MON2: variants seen among roughly 807,000 people sequenced by gnomAD.
MON2 encodes the protein MON2 regulator of endosome-to-Golgi trafficking.
A neutral mutation model predicts 208.6 loss-of-function variants in MON2; 84 were observed. That is an observed-to-expected ratio of 0.40 (90% CI 0.34 to 0.48). The LOEUF (loss-of-function observed/expected upper bound fraction) is 0.48, where lower values mean the gene tolerates loss of function less well. Ranked by LOEUF, MON2 falls within the 20% of genes least tolerant of loss-of-function variation. The probability of loss-of-function intolerance (pLI) is 0.59; values close to 1 mark genes in which losing one functional copy is unlikely to be tolerated. For missense variants in MON2, 1,611 were observed against 2,015.4 expected (o/e 0.80, Z 3.84); for synonymous variants, 660 against 694.0 (o/e 0.95, Z 0.77).
chr12:62,485,242 A>T (rs2069700602), intron 2 of MON2, among the ~76,000 whole-genome samples: 1 of 152,238 alleles, frequency 6.6e-6, no homozygotes, highest in East Asian at 1.9e-4. Flanking sequence ...CAGTTCCAGT[A>T]GTGCTGTTGA....
chr12:62,565,795 A>G (rs2074361067), intron 27 of MON2, among the ~76,000 whole-genome samples: 1 of 152,234 alleles, frequency 6.6e-6, no homozygotes, highest in Non-Finnish European at 1.5e-5. Flanking sequence ...AAGAAGTTGT[A>G]CACTACTGGT....
In MON2 at chr12:62,578,430, GTT is replaced by G. The variant is rs5798648; in HGVS notation, c.4515-4_4515-3del. On this transcript the variant is annotated splice_polypyrimidine_tract_variant and intron_variant, in intron 30 of 34. Transcript: ENST00000393630. ...AATATTTTATCTTTAAAAATCAAGT[GTT>G]TTTTTTTTTTAGCATACCTCCAGAT... The G allele has an allele frequency of 1.4e-4, 159 of 1,128,670 alleles. No homozygotes were observed. The highest frequency in any genetic ancestry group is 3.3e-4 in the Admixed American group (12 of 36,084). 69.9% of individuals were successfully genotyped at this position (1,128,670 alleles called of 1,614,324 possible). A position where few individuals can be genotyped will look rare whatever the true frequency, so the allele number is the denominator to read the frequency against.
chr12:62,516,004 T>C lies in MON2; in HGVS notation c.984+7524T>C, dbSNP rs2136145078. On this transcript the variant is annotated intron_variant, in intron 8 of 34. Transcript: ENST00000393630. ...GCAGCACTATTCATGATTGCCAAGA[T>C]TTAGTAGCAACCAAAGTATCCATTG... Among the ~76,000 whole-genome samples the C allele has an allele frequency of 1.3e-5, 2 of 152,284 alleles. 1 individual carries two copies.
At chr12:62,570,722 C>CT (rs1192680038) in intron 29 of MON2, among the ~76,000 whole-genome samples, 1,834 of 70,858 alleles carry the variant, frequency 0.026, 273 homozygotes, top group African/African-American at 0.062. Context: ...TTTTCTTTTT[C>CT]TTTTTTTTTT....
intron 26 of MON2, among the ~76,000 whole-genome samples, chr12:62,562,166 A>T (rs1414133411): frequency 2.0e-5 from 3 of 152,170 alleles, no homozygotes; most frequent in Non-Finnish European, 4.4e-5. Context: ...AGTTGCTTAT[A>T]GACTTCAGGG....
chr12:62,527,018 C>T lies in MON2; in HGVS notation c.1400+916C>T, dbSNP rs149502427. On this transcript the variant is annotated intron_variant, in intron 11 of 34. Coordinates refer to ENST00000393630, the MANE Select transcript of MON2 (RefSeq NM_015026.3). Reference sequence around the variant, plus strand: ...GTGTGCACCTGTAATCCCAGCTACTCGGGAAACTGAGGCAAGAGAATCGCT... The same window carrying T: ...GTGTGCACCTGTAATCCCAGCTACTTGGGAAACTGAGGCAAGAGAATCGCT... Among the ~76,000 whole-genome samples, 273 of 152,094 alleles carry T rather than the reference C, an allele frequency of 1.8e-3. 1 individual carries two copies. The highest frequency in any genetic ancestry group is 6.4e-3 in the African/African-American group (266 of 41,502).
intron 2 of MON2, among the ~76,000 whole-genome samples, chr12:62,491,817 T>C (rs1210817827): frequency 6.6e-6 from 1 of 152,222 alleles, no homozygotes; most frequent in African/African-American, 2.4e-5. Flanking sequence ...TTAATTTGCC[T>C]GAATAACATT....
chr12:62,479,002 G>T (rs1592816228), intron 1 of MON2, among the ~76,000 whole-genome samples: 1 of 152,198 alleles, frequency 6.6e-6, no homozygotes, highest in Non-Finnish European at 1.5e-5. Flanking sequence ...AACAGAAATT[G>T]TAGAAAGAAG....
chr12:62,504,392 C>T (rs1592896414), intron 7 of MON2, among the ~76,000 whole-genome samples: 2 of 151,562 alleles, frequency 1.3e-5, no homozygotes, highest in African/African-American at 4.8e-5. Flanking sequence ...CCACAGGTGC[C>T]CGCCACCACG....
At chr12:62,508,735 G>T in intron 8 of MON2, 1 of 377,232 alleles carries the variant, frequency 2.7e-6, no homozygotes, top group Non-Finnish European at 4.8e-6. Context: ...TTGTCGTTTT[G>T]GAACTCAGCT....
chr12:62,525,696 G>A (rs191359826), intron 10 of MON2, among the ~76,000 whole-genome samples: 1 of 152,276 alleles, frequency 6.6e-6, no homozygotes, highest in East Asian at 1.9e-4. Flanking sequence ...GTGGTCTAAT[G>A]AAAGGCTAAA....
chr12:62,571,139 A>G (rs914164244), intron 29 of MON2, among the ~76,000 whole-genome samples: 2 of 152,222 alleles, frequency 1.3e-5, no homozygotes, highest in Admixed American at 6.5e-5. Flanking sequence ...ACTGAGGTTC[A>G]AAAATGTTAT....
intron 4 of MON2, among the ~76,000 whole-genome samples, chr12:62,498,214 T>C (rs1592875093): frequency 1.3e-5 from 2 of 152,218 alleles, no homozygotes; most frequent in South Asian, 4.2e-4. Context: ...TTATTCTAAG[T>C]GGAAGAAGGT....
chr12:62,545,828 T>C (rs1163890635), intron 21 of MON2: 2 of 152,212 alleles, frequency 1.3e-5, no homozygotes, highest in Non-Finnish European at 2.9e-5. Flanking sequence ...ATAAAGCTTA[T>C]AGAGCTTACA....
chr12:62,573,800 T>C (rs1470282009), intron 30 of MON2, among the ~76,000 whole-genome samples: 4 of 152,158 alleles, frequency 2.6e-5, no homozygotes, highest in African/African-American at 9.7e-5. Context: ...AGTTTTTTAA[T>C]ATAGAAAAGT....
intron 20 of MON2, among the ~76,000 whole-genome samples, chr12:62,543,500 C>A (rs1422749807): frequency 1.3e-5 from 2 of 152,196 alleles, no homozygotes; most frequent in African/African-American, 4.8e-5. Flanking sequence ...ATCCACCTCA[C>A]CTCAGTTTCA....
intron 11 of MON2, among the ~76,000 whole-genome samples, chr12:62,531,894 C>T (rs886638714): frequency 1.3e-5 from 2 of 152,000 alleles, no homozygotes; most frequent in East Asian, 1.9e-4. Context: ...CTCAGCCTCC[C>T]GAGTAGCTGA....
chr12:62,592,350 CT>C (rs1360035261), intron 34 of MON2, among the ~76,000 whole-genome samples: 1 of 152,092 alleles, frequency 6.6e-6, no homozygotes, highest in Non-Finnish European at 1.5e-5. Flanking sequence ...TTAAAATGTA[CT>C]TTATCAAATT....
chr12:62,518,567 A>G (rs762996552), intron 8 of MON2, among the ~76,000 whole-genome samples: 77 of 152,136 alleles, frequency 5.1e-4, no homozygotes, highest in Non-Finnish European at 8.5e-4. Flanking sequence ...GACAGTGCCA[A>G]GTTTCTTGTA....
Sources: allele counts gnomAD v4.1 joint callset (sites outside exome capture counted in the v4.1 genomes callset), GRCh38; gene constraint gnomAD v4.1.1; transcripts MANE v1.5; gene names NCBI Gene and HGNC (gene_info 2026-07-23, HGNC 2026-07-21).